The following PTER variants were observed in gnomAD, a reference collection of about 807,000 sequenced individuals.
PTER encodes the protein phosphotriesterase related, also known as N-acetyltaurine hydrolase.
In PTER, 38 loss-of-function variants were observed where a neutral mutation model predicts 29.6. The ratio of observed to expected loss-of-function variants is 1.28; its 90% CI spans 0.99 to 1.68. The LOEUF is 1.68. Among genes scored for constraint, PTER ranks in the 40% most tolerant of loss-of-function variants. The pLI is 0.00. For synonymous variants in PTER, 172 were observed against 154.5 expected (o/e 1.11, Z -0.84); for missense variants, 482 against 427.8 (o/e 1.13, Z -1.12).
At chr10:16,505,639 G>A (rs1564410773) in intron 4 of PTER, among the ~76,000 whole-genome samples, 1 of 152,134 alleles carries the variant, frequency 6.6e-6, no homozygotes, top group Non-Finnish European at 1.5e-5. Flanking sequence ...TATGTAAAAT[G>A]AATGCAACCT....
chr10:16,503,065 CTTTTTTTTTTTTTT>C (rs541383811), intron 3 of PTER, among the ~76,000 whole-genome samples: 2 of 69,418 alleles, frequency 2.9e-5, no homozygotes, highest in African/African-American at 6.2e-5. Context: ...CATGATAGTG[CTTTTTTTTTTTTTT>C]TTTTTTTTTT....
intron 1 of PTER, among the ~76,000 whole-genome samples, chr10:16,458,196 G>C (rs961850025): frequency 6.8e-6 from 1 of 147,558 alleles, no homozygotes; most frequent in Admixed American, 6.9e-5. Context: ...GAACTTTTGA[G>C]AAGTGAAATG....
chr10:16,495,297 A>T (rs1022265246), intron 3 of PTER, among the ~76,000 whole-genome samples: 1 of 151,816 alleles, frequency 6.6e-6, no homozygotes, highest in Non-Finnish European at 1.5e-5. Flanking sequence ...CAGCCTCCTA[A>T]GTAGCTGAGA....
intron 1 of PTER, chr10:16,476,087 T>C (rs1256824838): frequency 1.3e-5 from 2 of 151,728 alleles, no homozygotes; most frequent in East Asian, 3.8e-4. Flanking sequence ...ATTTATATAT[T>C]ATTATTATTA....
chr10:16,499,559 A>G (rs1836250823), intron 3 of PTER, among the ~76,000 whole-genome samples: 1 of 151,750 alleles, frequency 6.6e-6, no homozygotes, highest in Non-Finnish European at 1.5e-5. Context: ...CTCCCACCTC[A>G]GTCTCCCGAG....
chr10:16,473,478 C>G (rs1835130504), intron 1 of PTER, among the ~76,000 whole-genome samples: 1 of 142,566 alleles, frequency 7.0e-6, no homozygotes, highest in Non-Finnish European at 1.5e-5. Flanking sequence ...CGAAATCGCA[C>G]CACTGCACTC....
intron 1 of PTER, among the ~76,000 whole-genome samples, chr10:16,465,255 G>T (rs1834766828): frequency 1.1e-5 from 1 of 91,656 alleles, no homozygotes; most frequent in Admixed American, 1.1e-4. Context: ...CCATATATGT[G>T]CTAAGGTAGG....
At chr10:16,487,235 A>C (rs1024783638) in intron 3 of PTER, among the ~76,000 whole-genome samples, 1 of 152,212 alleles carries the variant, frequency 6.6e-6, no homozygotes, top group Non-Finnish European at 1.5e-5. Flanking sequence ...ACAGAAATTT[A>C]GTCTCTCAAA....
chr10:16,442,179 A>C (rs1196317067), intron 1 of PTER, among the ~76,000 whole-genome samples: 1 of 152,152 alleles, frequency 6.6e-6, no homozygotes, highest in African/African-American at 2.4e-5. Flanking sequence ...GTACCCACAA[A>C]ATTTCTTTCC....
chr10:16,448,438 T>C (rs1365515455), intron 1 of PTER, among the ~76,000 whole-genome samples: 1 of 152,214 alleles, frequency 6.6e-6, no homozygotes, highest in Admixed American at 6.5e-5. Context: ...TCCAACAGTC[T>C]AAATAGGCCC....
chr10:16,461,594 T>C lies in PTER; in HGVS notation c.-48-22743T>C, dbSNP rs541668254. Among the ~76,000 whole-genome samples the C allele has an allele frequency of 2.6e-5, 4 of 152,290 alleles. No homozygotes were observed. The East Asian group carries it at 5.8e-4, about 22-fold the overall frequency. ...ACCTTACTTTTAGTACATCAGATACTAGTCTTTCCCCAAAACACTTCTCTC... is the reference window on the plus strand; with the variant it reads ...ACCTTACTTTTAGTACATCAGATACCAGTCTTTCCCCAAAACACTTCTCTC... On this transcript the variant is annotated intron_variant, in intron 1 of 4. Coordinates refer to ENST00000535784, the MANE Select transcript of PTER (RefSeq NM_001261836.2).
At chr10:16,492,601 A>C (rs908719511) in intron 3 of PTER, among the ~76,000 whole-genome samples, 1 of 152,214 alleles carries the variant, frequency 6.6e-6, no homozygotes, top group African/African-American at 2.4e-5. Flanking sequence ...GTAAAACAGC[A>C]TGGCTGGCAG....
At chr10:16,455,998 C>T (rs1388085242) in intron 1 of PTER, among the ~76,000 whole-genome samples, 1 of 152,246 alleles carries the variant, frequency 6.6e-6, no homozygotes, top group African/African-American at 2.4e-5. Context: ...CCCAGGCCAA[C>T]AGAAACTGAG....
intron 3 of PTER, among the ~76,000 whole-genome samples, chr10:16,490,194 A>C (rs193132301): frequency 1.1e-3 from 172 of 152,306 alleles, no homozygotes; most frequent in Non-Finnish European, 1.6e-3. Context: ...AAGGTGTTGA[A>C]CAGCTCATAT....
chr10:16,438,775 T>C (rs919803692), intron 1 of PTER, among the ~76,000 whole-genome samples: 21 of 151,542 alleles, frequency 1.4e-4, no homozygotes, highest in African/African-American at 5.1e-4. Context: ...AAAAATTAGC[T>C]GGGCATGGTG....
At chr10:16,489,355 A>G (rs1406435547) in intron 3 of PTER, among the ~76,000 whole-genome samples, 1 of 152,190 alleles carries the variant, frequency 6.6e-6, no homozygotes, top group Non-Finnish European at 1.5e-5. Context: ...AAAATATTAA[A>G]CATACAATGT....
At chr10:16,482,788 A>ATT (rs112171466) in intron 1 of PTER, among the ~76,000 whole-genome samples, 2 of 149,102 alleles carry the variant, frequency 1.3e-5, no homozygotes, top group African/African-American at 4.9e-5. Context: ...TGTACTTAAA[A>ATT]TTTTTTTTTT....
At chr10:16,473,210 AC>A (rs1835119854) in intron 1 of PTER, among the ~76,000 whole-genome samples, 1 of 152,116 alleles carries the variant, frequency 6.6e-6, no homozygotes, top group African/African-American at 2.4e-5. Context: ...ATACTATGTA[AC>A]TATTGGGAAT....
chr10:16,495,168 CTTTTTT>C (rs3047217), intron 3 of PTER, among the ~76,000 whole-genome samples: 136 of 132,196 alleles, frequency 1.0e-3, no homozygotes, highest in Non-Finnish European at 1.7e-3. Flanking sequence ...TTTGGAATTA[CTTTTTT>C]TTTTTTTTTT....
Sources: gnomAD v4.1 joint callset for allele counts (sites outside exome capture counted in the v4.1 genomes callset) on GRCh38, gnomAD v4.1.1 for gene constraint, MANE v1.5 for transcripts, NCBI Gene and HGNC (gene_info 2026-07-23, HGNC 2026-07-21) for gene names.